The following AKNAD1 variants were observed in gnomAD, a reference collection of about 807,000 sequenced individuals.
AKNAD1 encodes AKNA domain containing 1, also known as protein AKNAD1.
AKNAD1 carries 67 observed loss-of-function variants against 90.8 expected under a neutral mutation model. The ratio of observed to expected loss-of-function variants is 0.74; its 90% confidence interval spans 0.61 to 0.90. The LOEUF (loss-of-function observed/expected upper bound fraction) is 0.90. AKNAD1 is among the 40% of genes least tolerant of loss of function. AKNAD1 has a pLI of 0.00. For synonymous variants in AKNAD1, 327 were observed against 341.4 expected, an observed-to-expected ratio of 0.96 and a Z score of 0.46; for missense variants, 957 against 975.4, an observed-to-expected ratio of 0.98 and a Z score of 0.25.
In AKNAD1 at chr1:108,837,551, T is replaced by G. The variant is rs1234919244; in HGVS notation, c.1535A>C (p.Glu512Ala). ...LASTFSSLSN[E>A]IPKEHPGHPS... ...TTAGACTGTACATTGCTGTATTACC[T>G]CATTTGAGAGTGAAGAGAAGGTGGA... Residue 512 changes from glutamate to alanine, a missense_variant and splice_region_variant, in exon 7 of 16, where the codon GAG becomes GCG. Physicochemically the swap from Glu to Ala is moderately radical, Grantham distance 107. Transcript: ENST00000370001. 6.2e-7 allele frequency: 1 copy of G among 1,614,100 alleles called. No homozygotes were observed. Among genetic ancestry groups the G allele is most frequent in the South Asian group, 1.1e-5 (1 of 91,070 alleles).
chr1:108,853,534 A>T (rs1664935270), intron 1 of AKNAD1, among the ~76,000 whole-genome samples: 2 of 151,318 alleles, frequency 1.3e-5, no homozygotes. Context: ...TGTAACACCC[A>T]CCTTCTCCAT....
intron 6 of AKNAD1, among the ~76,000 whole-genome samples, chr1:108,838,567 AAT>A (rs1203444630): frequency 6.6e-6 from 1 of 152,146 alleles, no homozygotes; most frequent in East Asian, 1.9e-4. Context: ...TAGAAAAGGG[AAT>A]ATAAAATAAA....
At chr1:108,850,760 A>G (rs1664831148) in intron 2 of AKNAD1, among the ~76,000 whole-genome samples, 1 of 152,206 alleles carries the variant, frequency 6.6e-6, no homozygotes, top group Non-Finnish European at 1.5e-5. Flanking sequence ...CAAAGGAAAG[A>G]TCATGCACTC....
At chr1:108,847,461 C>A (rs200148443) in intron 5 of AKNAD1, among the ~76,000 whole-genome samples, 85 of 137,652 alleles carry the variant, frequency 6.2e-4, no homozygotes, top group Middle Eastern at 3.7e-3. Flanking sequence ...AAAAAAAAAA[C>A]AAAAAAAAAA....
intron 8 of AKNAD1, 47 bp downstream of exon 8, chr1:108,834,882 C>G: frequency 6.7e-7 from 1 of 1,498,240 alleles, no homozygotes; most frequent in Non-Finnish European, 8.9e-7. Context: ...AGGAAGGGGC[C>G]TCTTTCTGTG....
chr1:108,829,474 T>C (rs1201297006), intron 10 of AKNAD1, among the ~76,000 whole-genome samples: 5 of 152,156 alleles, frequency 3.3e-5, no homozygotes, highest in Admixed American at 1.3e-4. Context: ...TTTAATTCAA[T>C]AAATAAAAAT....
intron 11 of AKNAD1, among the ~76,000 whole-genome samples, chr1:108,825,783 G>A (rs575390501): frequency 3.3e-5 from 5 of 151,422 alleles, no homozygotes; most frequent in South Asian, 2.1e-4. Context: ...AAACTGAGAG[G>A]TTTAAAAGAT....
At position 108,848,988 on chromosome 1, in the gene AKNAD1, TAAG is replaced by T; in HGVS notation, c.1103_1105del (p.Ser368del). On this transcript the variant is annotated inframe_deletion, in exon 4 of 16. Transcript: ENST00000370001. The stretch of plus-strand genomic sequence containing the variant: ...CCCTTGGGATATCTTTTGAAATATG[TAAG>T]AAGAACTTGAGGAAGTGCCTTTCTG... 2 of 1,611,988 alleles carry T rather than the reference TAAG, an allele frequency of 1.2e-6. No homozygotes were observed. The highest frequency in any genetic ancestry group is 1.7e-6 in the Non-Finnish European group (2 of 1,179,512).
chr1:108,834,928 C>T lies in AKNAD1; in HGVS notation c.1664+1G>A, dbSNP rs759160775. On this transcript the variant is annotated splice_donor_variant, in intron 8 of 15. Transcript: ENST00000370001. LOFTEE classifies it high-confidence loss of function. Reference sequence around the variant, plus strand: ...GCTGGGGCTCCAGGGCTAGGACTCACGTCTGCGGGGCCAGCTCACAGAGCT... The same window carrying T: ...GCTGGGGCTCCAGGGCTAGGACTCATGTCTGCGGGGCCAGCTCACAGAGCT... 6.5e-5 allele frequency: 100 copies of T among 1,531,630 alleles called. No individual in the cohort carries two copies. The highest frequency in any genetic ancestry group is 5.6e-4 in the Middle Eastern group (3 of 5,318). 94.9% of individuals were successfully genotyped at this position (1,531,630 alleles called of 1,614,324 possible).
At chr1:108,826,736 C>CTTTTTTTTTTTTTTTT (rs1450499628) in intron 11 of AKNAD1, among the ~76,000 whole-genome samples, 2 of 114,796 alleles carry the variant, frequency 1.7e-5, no homozygotes, top group African/African-American at 7.5e-5. Flanking sequence ...CTTTTCTTTT[C>CTTTTTTTTTTTTTTTT]TTTTTCTTTT....
At chr1:108,851,540 T>TC (rs1664862769) in intron 2 of AKNAD1, 132 bp downstream of exon 2, 1 of 813,286 alleles carries the variant, frequency 1.2e-6, no homozygotes, top group Non-Finnish European at 1.9e-6. Context: ...ACGTCACTCA[T>TC]CCAGGGTGAC....
chr1:108,820,518 T>C (rs1333129), intron 14 of AKNAD1, 27 bp downstream of exon 14: 372,631 of 1,458,296 alleles, frequency 0.26, 55,252 homozygotes, highest in East Asian at 0.69. Flanking sequence ...AGAAATATTT[T>C]GTTACTGATA....
At chr1:108,834,386 G>A in intron 9 of AKNAD1, 61 bp downstream of exon 9, 1 of 1,393,654 alleles carries the variant, frequency 7.2e-7, no homozygotes, top group East Asian at 2.4e-5. Context: ...AGCAACACTG[G>A]TTTTAGTTAA....
At chr1:108,839,205 G>T (rs1371730781) in intron 6 of AKNAD1, among the ~76,000 whole-genome samples, 1 of 152,146 alleles carries the variant, frequency 6.6e-6, no homozygotes, top group Non-Finnish European at 1.5e-5. Flanking sequence ...AAGAAAAGGG[G>T]CCCGGCGCGG....
Position 108,826,507 on chromosome 1 carries a change from T to C in AKNAD1, c.1936+698A>G, listed in dbSNP as rs552427412. 5.9e-5 allele frequency among the ~76,000 whole-genome samples: 9 copies of C among 151,790 alleles called. 1 individual carries two copies. In the East Asian group the frequency reaches 1.8e-3, roughly 30 times the overall value. On this transcript the variant is annotated intron_variant, in intron 11 of 15. Coordinates refer to ENST00000370001, the MANE Select transcript of AKNAD1 (RefSeq NM_152763.5). ...CTGGGGCACCTCCCAGCTCCAACTT[T>C]CTTTGCTTCTATGAAATGCATATAT...
chr1:108,836,316 C>T (rs1456417592), intron 7 of AKNAD1, among the ~76,000 whole-genome samples: 1 of 152,214 alleles, frequency 6.6e-6, no homozygotes, highest in Non-Finnish European at 1.5e-5. Context: ...TGGGCTGTTA[C>T]ATCCACGGTG....
intron 1 of AKNAD1, 39 bp from the exon 2 acceptor site, chr1:108,852,806 G>T: frequency 7.3e-6 from 5 of 688,274 alleles, no homozygotes; most frequent in Non-Finnish European, 8.9e-6. Flanking sequence ...TAAATATATT[G>T]GAATAATGTA....
chr1:108,817,656 C>T (rs532914623), intron 14 of AKNAD1, among the ~76,000 whole-genome samples: 1 of 151,582 alleles, frequency 6.6e-6, no homozygotes, highest in Admixed American at 6.6e-5. Context: ...CGCCCGCCAC[C>T]ACGCCCGGCT....
At chr1:108,833,592 A>G (rs1474016268) in intron 9 of AKNAD1, among the ~76,000 whole-genome samples, 1 of 152,024 alleles carries the variant, frequency 6.6e-6, no homozygotes, top group East Asian at 1.9e-4. Flanking sequence ...AAAAAAAAAA[A>G]TTAGATTGAT....
Sources: gnomAD v4.1 joint callset for allele counts (sites outside exome capture counted in the v4.1 genomes callset) on GRCh38, gnomAD v4.1.1 for gene constraint, MANE v1.5 for transcripts, NCBI Gene and HGNC (gene_info 2026-07-23, HGNC 2026-07-21) for gene names.